Variants in DGLUCY observed in about 807,000 individuals in gnomAD.
DGLUCY encodes D-glutamate cyclase.
A neutral mutation model predicts 58.5 loss-of-function variants in DGLUCY; 58 were observed. The ratio of observed to expected loss-of-function variants is 0.99; its 90% CI spans 0.80 to 1.23. The LOEUF is 1.23. Among genes scored for constraint, DGLUCY ranks in the 50% most tolerant of loss-of-function variants. The probability of loss-of-function intolerance (pLI) is 0.00; values close to 1 mark genes in which losing one functional copy is unlikely to be tolerated. For missense variants in DGLUCY, 779 were observed against 784.7 expected (o/e 0.99, Z 0.09); for synonymous variants, 325 against 314.1 (o/e 1.03, Z -0.37).
At chr14:91,087,316 C>T (rs996355781) in intron 1 of DGLUCY, among the ~76,000 whole-genome samples, 2 of 152,040 alleles carry the variant, frequency 1.3e-5, no homozygotes, top group Non-Finnish European at 2.9e-5. Flanking sequence ...TACAGAACCC[C>T]CCCTGTCTGA....
At chr14:91,073,309 C>G (rs1453143969) in intron 1 of DGLUCY, among the ~76,000 whole-genome samples, 1 of 152,004 alleles carries the variant, frequency 6.6e-6, no homozygotes, top group African/African-American at 2.4e-5. Flanking sequence ...GGTGTGATGG[C>G]ACACGCCTGT....
chr14:91,221,822 A>G (rs1887561320), intron 13 of DGLUCY, among the ~76,000 whole-genome samples: 1 of 152,170 alleles, frequency 6.6e-6, no homozygotes. Flanking sequence ...ATTTTTACAT[A>G]AGTATACACC....
chr14:91,207,279 T>G lies in DGLUCY; in HGVS notation c.1564+2454T>G, dbSNP rs560493988. On this transcript the variant is annotated intron_variant, in intron 12 of 13. Transcript: ENST00000256324. ...ATGGCTATGGAAAGAATCTCTGAGC[T>G]TCAAGATATCTCAACAAAAGCTGCC... Among the ~76,000 whole-genome samples, 4 of 151,312 alleles carry G rather than the reference T, an allele frequency of 2.6e-5. No individual in the cohort carries two copies. In the South Asian group the frequency reaches 8.3e-4, roughly 32 times the overall value.
intron 1 of DGLUCY, among the ~76,000 whole-genome samples, chr14:91,128,498 C>CA (rs1171782298): frequency 1.6e-4 from 24 of 151,146 alleles, no homozygotes; most frequent in Non-Finnish European, 3.2e-4. Context: ...TGTCTCAAAC[C>CA]AAAAAAATAA....
chr14:91,142,519 T>C (rs550887443), intron 1 of DGLUCY, among the ~76,000 whole-genome samples: 10 of 152,212 alleles, frequency 6.6e-5, no homozygotes, highest in Middle Eastern at 3.4e-3. Context: ...AAAGATTTCT[T>C]ATCTCTTCCT....
At chr14:91,106,223 G>A (rs540288745), upstream of DGLUCY, among the ~76,000 whole-genome samples, 42 of 150,514 alleles carry the variant, frequency 2.8e-4, no homozygotes, top group Middle Eastern at 3.5e-3. Flanking sequence ...CAGGAGAATC[G>A]CTCGAACCCG....
intron 1 of DGLUCY, among the ~76,000 whole-genome samples, chr14:91,119,276 A>G (rs1005764788): frequency 6.6e-6 from 1 of 151,960 alleles, no homozygotes; most frequent in Non-Finnish European, 1.5e-5. Context: ...TCCTGCCTGT[A>G]GTGCGAAGAG....
chr14:91,209,059 A>G (rs1260084709), intron 12 of DGLUCY, among the ~76,000 whole-genome samples: 1 of 152,176 alleles, frequency 6.6e-6, no homozygotes, highest in African/African-American at 2.4e-5. Context: ...CACACCTGTA[A>G]TCCCAGCACT....
At chr14:91,143,442 C>T (rs781169083) in intron 1 of DGLUCY, among the ~76,000 whole-genome samples, 3 of 152,098 alleles carry the variant, frequency 2.0e-5, no homozygotes, top group Admixed American at 6.6e-5. Flanking sequence ...TGGAAGTGTT[C>T]GTGGCTTGCT....
At chr14:91,123,043 A>T (rs2045476872) in intron 1 of DGLUCY, among the ~76,000 whole-genome samples, 1 of 152,204 alleles carries the variant, frequency 6.6e-6, no homozygotes, top group South Asian at 2.1e-4. Context: ...GCTTAGCAGG[A>T]GACAGGCACC....
chr14:91,141,028 C>T (rs1273624737), intron 1 of DGLUCY, among the ~76,000 whole-genome samples: 1 of 152,038 alleles, frequency 6.6e-6, no homozygotes, highest in Non-Finnish European at 1.5e-5. Flanking sequence ...TCATGATGGC[C>T]GAGTTTGTCT....
At chr14:91,183,995 C>A (rs1028132135) in intron 8 of DGLUCY, among the ~76,000 whole-genome samples, 3 of 151,850 alleles carry the variant, frequency 2.0e-5, no homozygotes, top group Non-Finnish European at 4.4e-5. Flanking sequence ...GCATATGTGG[C>A]CTCCCCACCG....
At chr14:91,202,266 G>GC (rs2050619923) in intron 11 of DGLUCY, among the ~76,000 whole-genome samples, 1 of 151,930 alleles carries the variant, frequency 6.6e-6, no homozygotes, top group Admixed American at 6.6e-5. Flanking sequence ...GACTCCTGGG[G>GC]CCCCAGCCCT....
chr14:91,118,967 T>TA (rs2045176273), intron 1 of DGLUCY, among the ~76,000 whole-genome samples: 1 of 152,014 alleles, frequency 6.6e-6, no homozygotes, highest in Non-Finnish European at 1.5e-5. Flanking sequence ...CCTAAAAAGT[T>TA]AAAAAAAATT....
intron 2 of DGLUCY, among the ~76,000 whole-genome samples, chr14:91,158,178 G>A (rs2047771984): frequency 6.6e-6 from 1 of 152,204 alleles, no homozygotes; most frequent in East Asian, 1.9e-4. Flanking sequence ...CTGGCTGGTA[G>A]CTCAGTTGCT....
chr14:91,218,835 G>T (rs1234456096), intron 13 of DGLUCY, among the ~76,000 whole-genome samples: 2 of 152,138 alleles, frequency 1.3e-5, no homozygotes, highest in Non-Finnish European at 2.9e-5. Flanking sequence ...CCACTGGGGA[G>T]ACGACACATG....
At chr14:91,074,112 T>TACAC (rs1397235461) in intron 1 of DGLUCY, among the ~76,000 whole-genome samples, 37 of 60,694 alleles carry the variant, frequency 6.1e-4, no homozygotes, top group Admixed American at 2.5e-3. Context: ...AAAATATATA[T>TACAC]ATATATACAC....
chr14:91,146,136 G>A (rs2046999822), intron 1 of DGLUCY, among the ~76,000 whole-genome samples: 1 of 152,168 alleles, frequency 6.6e-6, no homozygotes, highest in Non-Finnish European at 1.5e-5. Flanking sequence ...GCCTCCCAAA[G>A]TGCTGGAATT....
chr14:91,155,990 A>G (rs562662270), intron 1 of DGLUCY, among the ~76,000 whole-genome samples: 1 of 152,108 alleles, frequency 6.6e-6, no homozygotes, highest in South Asian at 2.1e-4. Context: ...CCATCCTTCC[A>G]CAGATGTCTA....
Sources: gnomAD v4.1 joint callset for allele counts (sites outside exome capture counted in the v4.1 genomes callset) on GRCh38, gnomAD v4.1.1 for gene constraint, MANE v1.5 for transcripts, NCBI Gene and HGNC (gene_info 2026-07-23, HGNC 2026-07-21) for gene names.